Variants in CCDC171 observed in about 807,000 individuals in gnomAD.
CCDC171 encodes the protein coiled-coil domain-containing protein 171.
A neutral mutation model predicts 168.2 loss-of-function variants in CCDC171; 177 were observed. The ratio of observed to expected loss-of-function variants is 1.05; its 90% CI spans 0.93 to 1.19. The LOEUF is 1.19. CCDC171 is among the 50% of genes most tolerant of loss of function. The pLI is 0.00. For synonymous variants in CCDC171, 687 were observed against 540.8 expected, an observed-to-expected ratio of 1.27 and a Z score of -3.75; for missense variants, 1,991 against 1,539.0, an observed-to-expected ratio of 1.29 and a Z score of -4.91.
intron 6 of CCDC171, among the ~76,000 whole-genome samples, chr9:15,614,938 G>T (rs1379283487): frequency 6.6e-6 from 1 of 152,062 alleles, no homozygotes; most frequent in Non-Finnish European, 1.5e-5. Flanking sequence ...AAAATTGCTG[G>T]CCCATATTGT....
intron 24 of CCDC171, among the ~76,000 whole-genome samples, chr9:15,901,126 C>G (rs1182938): frequency 0.27 from 40,350 of 151,888 alleles, 5,454 homozygotes; most frequent in South Asian, 0.3. Context: ...TTAAGAGAAA[C>G]ATTAAAAAGT....
intron 1 of CCDC171, among the ~76,000 whole-genome samples, chr9:16,054,916 G>A (rs935269934): frequency 1.1e-4 from 17 of 152,210 alleles, no homozygotes; most frequent in African/African-American, 3.9e-4. Context: ...AGGGCGGGGG[G>A]CAGGTGGAAC....
downstream of CCDC171, among the ~76,000 whole-genome samples, chr9:16,066,588 T>G (rs2133093307): frequency 2.0e-5 from 3 of 148,372 alleles, no homozygotes; most frequent in East Asian, 6.1e-4. Flanking sequence ...ATTAGGTATA[T>G]CTCCCGATGC....
intron 11 of CCDC171, among the ~76,000 whole-genome samples, chr9:15,697,251 C>T (rs922223397): frequency 4.6e-5 from 7 of 152,236 alleles, no homozygotes; most frequent in Admixed American, 2.0e-4. Context: ...GGCCCTCTTT[C>T]ATGGCTGTGG....
intron 3 of CCDC171, among the ~76,000 whole-genome samples, chr9:15,573,777 A>T: frequency 6.6e-6 from 1 of 151,704 alleles, no homozygotes; most frequent in East Asian, 1.9e-4. Context: ...AAATTCTCTC[A>T]CAGCCAGGTG....
chr9:15,660,299 CT>C (rs1413833798), intron 8 of CCDC171, among the ~76,000 whole-genome samples: 1 of 151,978 alleles, frequency 6.6e-6, no homozygotes, highest in African/African-American at 2.4e-5. Context: ...TTTTTCTTTT[CT>C]TTTCTTTGTT....
At chr9:15,792,024 C>T (rs377364182) in intron 21 of CCDC171, among the ~76,000 whole-genome samples, 1 of 152,042 alleles carries the variant, frequency 6.6e-6, no homozygotes, top group Non-Finnish European at 1.5e-5. Context: ...CAAACTTCTC[C>T]GAGCTAAAGG....
At position 15,781,766 on chromosome 9, in the gene CCDC171, G is replaced by A. The variant is rs376519841; in HGVS notation, c.3081+2616G>A. ...AATTATAAGTTATGAAGTACGTGAC[G>A]ATTTCTAACATTTAGTGATCGTGTT... On this transcript the variant is annotated intron_variant, in intron 20 of 25. Transcript: ENST00000380701. 1.1e-3 allele frequency among the ~76,000 whole-genome samples: 175 copies of A among 152,198 alleles called. No individual in the cohort carries two copies. In the South Asian group the frequency reaches 0.017, roughly 15 times the overall value.
intron 1 of CCDC171, among the ~76,000 whole-genome samples, chr9:16,050,483 G>T (rs1263791383): frequency 6.6e-6 from 1 of 152,080 alleles, no homozygotes. Flanking sequence ...CTCTCTCCTG[G>T]CAAATTATTT....
At chr9:15,752,451 C>G (rs1052128754) in intron 18 of CCDC171, among the ~76,000 whole-genome samples, 1 of 152,150 alleles carries the variant, frequency 6.6e-6, no homozygotes, top group South Asian at 2.1e-4. Context: ...CACATGCACA[C>G]ATATGTTTAT....
intron 3 of CCDC171, among the ~76,000 whole-genome samples, chr9:15,573,796 C>T (rs2040424837): frequency 6.6e-6 from 1 of 151,990 alleles, no homozygotes; most frequent in Admixed American, 6.5e-5. Context: ...TGTGGTGGCT[C>T]ATGCCTGTAA....
In CCDC171 at chr9:15,591,340, T is replaced by C. The variant is rs181704750; in HGVS notation, c.353-26T>C. 2.6e-5 allele frequency: 37 copies of C among 1,421,226 alleles called. No homozygotes were observed. In the African/African-American group the frequency reaches 5.3e-4, roughly 20 times the overall value. The allele number at this position is 1,421,226 out of a possible 1,614,324, so 88.0% of individuals were successfully genotyped here. On this transcript the variant is annotated intron_variant, in intron 4 of 25. Coordinates refer to ENST00000380701, the MANE Select transcript of CCDC171 (RefSeq NM_173550.4). ...TTGTTATTTAATTCATGGTTGTAAA[T>C]GTACCTATTATTCTATTCTTAATAG...
At chr9:15,825,882 G>A (rs1232723043) in intron 21 of CCDC171, among the ~76,000 whole-genome samples, 2 of 152,094 alleles carry the variant, frequency 1.3e-5, no homozygotes, top group African/African-American at 4.8e-5. Context: ...TAGACACTAA[G>A]CTTCCAGAGG....
In CCDC171 at chr9:15,846,631, A is replaced by G; in HGVS notation, c.3268-71A>G. 4 of 1,483,140 alleles carry G rather than the reference A, an allele frequency of 2.7e-6. No homozygotes were observed. The South Asian group carries it at 3.7e-5, about 14-fold the overall frequency. The allele number at this position is 1,483,140 out of a possible 1,614,324, so 91.9% of individuals were successfully genotyped here. On this transcript the variant is annotated intron_variant, in intron 21 of 25. Coordinates refer to ENST00000380701, the MANE Select transcript of CCDC171 (RefSeq NM_173550.4). Reference sequence around the variant, plus strand: ...AGTCAGTCTGTATTCTTCTTTGTTTAATAGCCTATGGCATAAATTGAAGTT... The same window carrying G: ...AGTCAGTCTGTATTCTTCTTTGTTTGATAGCCTATGGCATAAATTGAAGTT...
chr9:15,874,821 C>A, intron 24 of CCDC171, 158 bp downstream of exon 24: 1 of 678,108 alleles, frequency 1.5e-6, no homozygotes, highest in Non-Finnish European at 2.2e-6. Flanking sequence ...GTATACTTTA[C>A]AAAATATTGT....
chr9:15,669,952 T>TAAAAAAAAAAAA (rs34465887), intron 9 of CCDC171, among the ~76,000 whole-genome samples: 1 of 112,328 alleles, frequency 8.9e-6, no homozygotes, highest in Non-Finnish European at 1.8e-5. Flanking sequence ...GCTGAAGTCT[T>TAAAAAAAAAAAA]AAAAAAAAAA....
chr9:16,037,726 A>C (rs74613175), intron 8 of CCDC171, among the ~76,000 whole-genome samples: 2,537 of 152,272 alleles, frequency 0.017, 74 homozygotes, highest in South Asian at 0.1. Flanking sequence ...CAGATTAGAT[A>C]TGGTTAAAGA....
chr9:15,731,236 C>G (rs1486080626), intron 16 of CCDC171, among the ~76,000 whole-genome samples: 1 of 152,070 alleles, frequency 6.6e-6, no homozygotes, highest in African/African-American at 2.4e-5. Context: ...CCCAACACAC[C>G]CTTCCTAGAC....
chr9:15,711,906 A>C (rs151121746), intron 11 of CCDC171, among the ~76,000 whole-genome samples: 414 of 152,304 alleles, frequency 2.7e-3, no homozygotes, highest in African/African-American at 9.2e-3. Context: ...GCTGTCAGCA[A>C]GCATCTCAGC....
Sources: allele counts gnomAD v4.1 joint callset (sites outside exome capture counted in the v4.1 genomes callset), GRCh38; gene constraint gnomAD v4.1.1; transcripts MANE v1.5; gene names NCBI Gene and HGNC (gene_info 2026-07-23, HGNC 2026-07-21).